CEP112: variants seen among roughly 807,000 people sequenced by gnomAD.
CEP112 encodes centrosomal protein 112.
In CEP112, 127 loss-of-function variants were observed where a neutral mutation model predicts 153.0. The ratio of observed to expected loss-of-function variants is 0.83; its 90% CI spans 0.72 to 0.96. The LOEUF is 0.96. Ranked by LOEUF, CEP112 falls within the 40% of genes least tolerant of loss-of-function variation. The pLI, the probability that CEP112 is intolerant of heterozygous loss-of-function variation, is 0.00. For synonymous variants in CEP112, 358 were observed against 374.4 expected (o/e 0.96, Z 0.51); for missense variants, 1,089 against 1,101.2 (o/e 0.99, Z 0.16).
chr17:66,088,698 A>C (rs2068030437), intron 8 of CEP112, among the ~76,000 whole-genome samples: 1 of 152,160 alleles, frequency 6.6e-6, no homozygotes, highest in Admixed American at 6.5e-5. Flanking sequence ...ATACACCAGG[A>C]GACTCAGGGT....
chr17:66,107,784 G>GA (rs1395585988), intron 6 of CEP112, among the ~76,000 whole-genome samples: 1 of 151,846 alleles, frequency 6.6e-6, no homozygotes, highest in Admixed American at 6.6e-5. Context: ...CACAAAAATA[G>GA]AAAAAAATAA....
chr17:65,869,584 T>C (rs533311622), intron 20 of CEP112, among the ~76,000 whole-genome samples: 45 of 150,682 alleles, frequency 3.0e-4, no homozygotes, highest in African/African-American at 1.0e-3. Flanking sequence ...ACTTTCTTTT[T>C]TTTTTTTTTT....
At position 66,132,755 on chromosome 17, in the gene CEP112, T is replaced by TGGGAAG; in HGVS notation, c.478_479insCTTCCC (p.Glu159_Gln160insProSer). 1 of 1,612,088 alleles carries TGGGAAG rather than the reference T, an allele frequency of 6.2e-7. No individual in the cohort carries two copies. The highest frequency in any genetic ancestry group is 2.2e-5 in the East Asian group (1 of 44,884). Reference sequence around the variant, plus strand: ...TCTCACTCGGAGCTTCCCAGTGTACTGTTCCCTGCTAAGAGACCAAAATAA... The same window carrying TGGGAAG: ...TCTCACTCGGAGCTTCCCAGTGTACTGGGAAGGTTCCCTGCTAAGAGACCAAAATAA... On this transcript the variant is annotated inframe_insertion, in exon 5 of 27. Coordinates refer to ENST00000535342, the MANE Select transcript of CEP112 (RefSeq NM_001199165.4).
intron 21 of CEP112, among the ~76,000 whole-genome samples, chr17:65,829,247 T>A (rs967556224): frequency 6.6e-6 from 1 of 152,242 alleles, no homozygotes; most frequent in Non-Finnish European, 1.5e-5. Context: ...TGTCTCATAA[T>A]GTATTCAATT....
chr17:65,913,683 C>T (rs945881184), intron 19 of CEP112: 6 of 985,244 alleles, frequency 6.1e-6, no homozygotes, highest in Non-Finnish European at 7.2e-6. Context: ...CCAGGGCCTG[C>T]CAGCATACAC....
chr17:65,911,417 C>T (rs1376201813), intron 19 of CEP112, among the ~76,000 whole-genome samples: 1 of 151,996 alleles, frequency 6.6e-6, no homozygotes, highest in African/African-American at 2.4e-5. Flanking sequence ...TAACTAATGC[C>T]CTCAAAATTG....
intron 8 of CEP112, among the ~76,000 whole-genome samples, chr17:66,086,824 T>G (rs1184979113): frequency 6.6e-6 from 1 of 152,178 alleles, no homozygotes; most frequent in Non-Finnish European, 1.5e-5. Flanking sequence ...TTTCCCTCCT[T>G]ACATATGTCT....
intron 20 of CEP112, among the ~76,000 whole-genome samples, chr17:65,896,706 T>C (rs2059672461): frequency 6.6e-6 from 1 of 152,006 alleles, no homozygotes; most frequent in African/African-American, 2.4e-5. Flanking sequence ...CCTATGCTTT[T>C]GGTGTCAGAA....
intron 23 of CEP112, among the ~76,000 whole-genome samples, chr17:65,689,864 T>C (rs2048009367): frequency 2.0e-5 from 3 of 152,070 alleles, no homozygotes; most frequent in South Asian, 4.2e-4. Flanking sequence ...AGTAAAGAGA[T>C]GAACTAGAAA....
intron 20 of CEP112, among the ~76,000 whole-genome samples, chr17:65,887,711 T>A (rs1488626622): frequency 1.3e-5 from 2 of 151,846 alleles, no homozygotes; most frequent in Non-Finnish European, 2.9e-5. Context: ...AGAGGTGGAG[T>A]AGGCAGTGCC....
At chr17:66,149,863 T>G (rs1455463943) in intron 4 of CEP112, among the ~76,000 whole-genome samples, 3 of 145,878 alleles carry the variant, frequency 2.1e-5, no homozygotes, top group African/African-American at 5.0e-5. Flanking sequence ...AGGTGTAAAT[T>G]TAGGGTTTTT....
chr17:66,069,639 TAAG>T (rs2067240551), intron 9 of CEP112, among the ~76,000 whole-genome samples: 1 of 152,090 alleles, frequency 6.6e-6, no homozygotes, highest in Non-Finnish European at 1.5e-5. Flanking sequence ...TAAAAGACTA[TAAG>T]AAGGTCAGCC....
rs73344891 is a variant in CEP112, at chr17:65,878,487, C to G, written c.2163+23665G>C. 9.7e-3 allele frequency among the ~76,000 whole-genome samples: 1,479 copies of G among 152,130 alleles called. 30 individuals are homozygous for G. The highest frequency in any genetic ancestry group is 0.034 in the African/African-American group (1,409 of 41,504). ...AAAATGATATATGTACAAAACAAAG[C>G]CAACCATAAAGACAAAAAATGGGAC... On this transcript the variant is annotated intron_variant, in intron 20 of 26. Transcript: ENST00000535342.
intron 4 of CEP112, among the ~76,000 whole-genome samples, chr17:66,166,727 G>A (rs962838289): frequency 6.6e-5 from 10 of 151,842 alleles, no homozygotes; most frequent in African/African-American, 2.4e-4. Context: ...ATGAAACCTC[G>A]TGTCTACTAA....
At chr17:65,726,903 C>T (rs1206799247) in intron 23 of CEP112, among the ~76,000 whole-genome samples, 1 of 152,108 alleles carries the variant, frequency 6.6e-6, no homozygotes, top group African/African-American at 2.4e-5. Flanking sequence ...TCATAATATT[C>T]CATTGTGTGG....
chr17:65,823,960 G>A (rs2056717803), intron 21 of CEP112, among the ~76,000 whole-genome samples: 1 of 152,070 alleles, frequency 6.6e-6, no homozygotes, highest in Admixed American at 6.5e-5. Flanking sequence ...CAATATGAAG[G>A]GTGCAACCTA....
intron 4 of CEP112, among the ~76,000 whole-genome samples, chr17:66,137,065 G>A (rs1464533091): frequency 6.6e-6 from 1 of 152,030 alleles, no homozygotes; most frequent in Non-Finnish European, 1.5e-5. Context: ...TAGCTGGTAA[G>A]AATTAAAAAC....
intron 21 of CEP112, among the ~76,000 whole-genome samples, chr17:65,791,008 C>G (rs2054563278): frequency 6.6e-6 from 1 of 151,778 alleles, no homozygotes; most frequent in African/African-American, 2.4e-5. Flanking sequence ...ATCTATATCC[C>G]AATTACACTT....
At chr17:66,066,665 C>A (rs559116378) in intron 10 of CEP112, 113 bp downstream of exon 10, 2 of 665,192 alleles carry the variant, frequency 3.0e-6, no homozygotes, top group African/African-American at 1.9e-5. Context: ...TGAAACCCCA[C>A]ATAAACATTC....
Sources: gnomAD v4.1 joint callset for allele counts (sites outside exome capture counted in the v4.1 genomes callset) on GRCh38, gnomAD v4.1.1 for gene constraint, MANE v1.5 for transcripts, NCBI Gene and HGNC (gene_info 2026-07-23, HGNC 2026-07-21) for gene names.